VIRMA: variants seen among roughly 807,000 people sequenced by gnomAD.
The protein encoded by VIRMA is vir like m6A methyltransferase associated, also known as protein virilizer homolog.
In VIRMA, 65 loss-of-function variants were observed where a neutral mutation model predicts 182.4. The ratio of observed to expected loss-of-function variants is 0.36; its 90% CI spans 0.29 to 0.44. The LOEUF is 0.44. VIRMA is among the 20% of genes least tolerant of loss of function. The probability of loss-of-function intolerance (pLI) is 1.00; values close to 1 mark genes in which losing one functional copy is unlikely to be tolerated. For missense variants in VIRMA, 1,752 were observed against 2,158.1 expected (o/e 0.81, Z 3.73); for synonymous variants, 709 against 743.1 (o/e 0.95, Z 0.75).
intron 15 of VIRMA, among the ~76,000 whole-genome samples, chr8:94,507,871 T>TTA (rs888788095): frequency 7.6e-5 from 8 of 105,100 alleles, no homozygotes; most frequent in African/African-American, 2.8e-4. Context: ...TCCCTCTACT[T>TTA]TATATATATA....
chr8:94,526,646 T>C lies in VIRMA; in HGVS notation c.1598A>G (p.Lys533Arg), dbSNP rs765784577. 6.2e-7 allele frequency: 1 copy of C among 1,614,178 alleles called. No homozygotes were observed. Among genetic ancestry groups the C allele is most frequent in the South Asian group, 1.1e-5 (1 of 91,088 alleles). ...ATCTAAAAGTATGAGTTCCAGAAGC[T>C]TTTGATAACCACTTTTTTCATTCTG... ...GRQNEKSGYQ[K>R]LLELILLDQT... Residue 533 changes from lysine to arginine, a missense_variant, in exon 8 of 24, where the codon AAG becomes AGG. By Grantham distance (26) the Lys-to-Arg change is conservative. Transcript: ENST00000297591.
At chr8:94,538,795 G>A (rs1815435636) in intron 2 of VIRMA, among the ~76,000 whole-genome samples, 1 of 152,066 alleles carries the variant, frequency 6.6e-6, no homozygotes, top group Non-Finnish European at 1.5e-5. Context: ...TGTATTTTTA[G>A]TAGAAATGGG....
At chr8:94,522,875 T>C (rs1227874151) in intron 8 of VIRMA, among the ~76,000 whole-genome samples, 7 of 152,174 alleles carry the variant, frequency 4.6e-5, no homozygotes, top group Non-Finnish European at 8.8e-5. Context: ...GATCTGCTAC[T>C]CCAAAATATT....
intron 11 of VIRMA, among the ~76,000 whole-genome samples, chr8:94,513,358 A>C (rs1814442626): frequency 6.6e-6 from 1 of 151,864 alleles, no homozygotes; most frequent in South Asian, 2.1e-4. Context: ...AAACAAAACA[A>C]AAAAACCTTG....
Position 94,495,716 on chromosome 8 carries a change from C to A in VIRMA, c.4544+15G>T. The A allele has an allele frequency of 6.2e-7, 1 of 1,606,932 alleles. No homozygotes were observed. Among genetic ancestry groups the A allele is most frequent in the Non-Finnish European group, 8.5e-7 (1 of 1,176,538 alleles). The stretch of plus-strand genomic sequence containing the variant: ...AACCAACAGCTATTCAATCATAAAA[C>A]ATTGTGTATTTTACCTATTGTTAAA... On this transcript the variant is annotated intron_variant, in intron 19 of 23. Transcript: ENST00000297591.
chr8:94,549,837 T>C (rs1815910369), intron 1 of VIRMA, among the ~76,000 whole-genome samples: 1 of 152,176 alleles, frequency 6.6e-6, no homozygotes, highest in South Asian at 2.1e-4. Context: ...GGCTCACGCC[T>C]GTAATCTTCG....
At chr8:94,531,176 G>A in intron 5 of VIRMA, 91 bp from the exon 6 acceptor site, 1 of 1,319,684 alleles carries the variant, frequency 7.6e-7, no homozygotes, top group Non-Finnish European at 9.9e-7. Flanking sequence ...CCACTTACAT[G>A]TGATTTTTTT....
chr8:94,509,836 T>G lies in VIRMA; in HGVS notation c.3731A>C (p.His1244Pro), dbSNP rs1289932269. 1.2e-6 allele frequency: 2 copies of G among 1,614,060 alleles called. No individual in the cohort carries two copies. Among genetic ancestry groups the G allele is most frequent in the Non-Finnish European group, 1.7e-6 (2 of 1,179,958 alleles). The change falls in exon 15 of 24, where the codon CAT becomes CCT. Residue 1244 changes from histidine (H) to proline (P), a missense_variant. By Grantham distance (77) the His-to-Pro change is moderately conservative. Around this residue, in one of 11 missense-constraint regions of VIRMA, gnomAD observed 777 missense variants for 920.6 expected, o/e 0.84. Transcript: ENST00000297591. The part of the protein sequence containing the change: ...SHKACKLAIL[H>P]LINGTIKGDE... ...ACCTTTAATAGTTCCATTAATTAGATGCAAAATAGCTAATTTACAAGCTTT... is the reference window on the plus strand; with the variant it reads ...ACCTTTAATAGTTCCATTAATTAGAGGCAAAATAGCTAATTTACAAGCTTT...
At chr8:94,504,084 G>GA (rs1814074725) in intron 16 of VIRMA, among the ~76,000 whole-genome samples, 1 of 151,878 alleles carries the variant, frequency 6.6e-6, no homozygotes, top group Admixed American at 6.6e-5. Flanking sequence ...TGAGGCAGGG[G>GA]AATCACATGA....
chr8:94,487,694 T>C lies in VIRMA; in HGVS notation c.*1012A>G, dbSNP rs1482184900. The C allele has an allele frequency of 6.6e-6, 1 of 152,228 alleles. No homozygotes were observed. The highest frequency in any genetic ancestry group is 1.5e-5 in the Non-Finnish European group (1 of 68,042). The allele number at this position is 152,228 out of a possible 1,614,324, so 9.4% of individuals were successfully genotyped here. ...GAATGAGACTCATACACTCCTTTTC[T>C]GATTAAGATAACTCTGTATTTTACG... On this transcript the variant is annotated 3_prime_UTR_variant, in exon 24 of 24. Coordinates refer to ENST00000297591, the MANE Select transcript of VIRMA (RefSeq NM_015496.5).
At chr8:94,553,185 C>A (rs1816067044) in intron 1 of VIRMA, among the ~76,000 whole-genome samples, 200 bp downstream of exon 1, 1 of 152,054 alleles carries the variant, frequency 6.6e-6, no homozygotes, top group African/African-American at 2.4e-5. Context: ...ACGGAGGGCC[C>A]AAGTTAAAGC....
chr8:94,530,684 A>C (rs530340890), intron 6 of VIRMA, among the ~76,000 whole-genome samples: 1 of 152,198 alleles, frequency 6.6e-6, no homozygotes, highest in Non-Finnish European at 1.5e-5. Context: ...TGTGAAGCTA[A>C]GGCAGATGGA....
At chr8:94,526,133 C>A in intron 8 of VIRMA, 90 bp downstream of exon 8, 1 of 963,688 alleles carries the variant, frequency 1.0e-6, no homozygotes, top group Non-Finnish European at 1.6e-6. Context: ...AAATAAGTTA[C>A]CTACAATCAG....
chr8:94,505,041 A>T (rs139388528), intron 16 of VIRMA, among the ~76,000 whole-genome samples: 1 of 152,298 alleles, frequency 6.6e-6, no homozygotes, highest in East Asian at 1.9e-4. Flanking sequence ...TTGGAAGTGC[A>T]GTGTATGAGG....
chr8:94,528,942 A>G lies in VIRMA; in HGVS notation c.880+128T>C, dbSNP rs147254961. ...CATTTCTAGTCATGCCTTGAGGCCT[A>G]GCTACATTCTGACCCTGGGTTTCTT... On this transcript the variant is annotated intron_variant, in intron 7 of 23. Coordinates refer to ENST00000297591, the MANE Select transcript of VIRMA (RefSeq NM_015496.5). 3.5e-6 allele frequency: 4 copies of G among 1,151,022 alleles called. No homozygotes were observed. In the African/African-American group the frequency reaches 6.1e-5, roughly 18 times the overall value. 71.3% of individuals were successfully genotyped at this position (1,151,022 alleles called of 1,614,324 possible).
At chr8:94,543,365 C>T (rs1378936184) in intron 2 of VIRMA, among the ~76,000 whole-genome samples, 1 of 125,992 alleles carries the variant, frequency 7.9e-6, no homozygotes, top group Non-Finnish European at 1.6e-5. Flanking sequence ...TGCGCCATTG[C>T]ATTCCAGCCT....
intron 15 of VIRMA, 96 bp downstream of exon 15, chr8:94,509,592 T>C (rs1259500185): frequency 7.5e-7 from 1 of 1,332,942 alleles, no homozygotes; most frequent in Non-Finnish European, 1.0e-6. Flanking sequence ...CAGCTGTTCA[T>C]TCACAGCCAA....
intron 2 of VIRMA, among the ~76,000 whole-genome samples, chr8:94,543,033 C>G (rs927828015): frequency 8.6e-5 from 13 of 151,942 alleles, no homozygotes; most frequent in African/African-American, 2.7e-4. Flanking sequence ...CTCAGCCTCC[C>G]GAGTAGCTGG....
chr8:94,503,436 T>C (rs975182990), intron 16 of VIRMA, among the ~76,000 whole-genome samples: 22 of 152,026 alleles, frequency 1.4e-4, no homozygotes, highest in African/African-American at 4.8e-4. Context: ...ATAATGTCAA[T>C]CTAATTATGA....
Sources: allele counts gnomAD v4.1 joint callset (sites outside exome capture counted in the v4.1 genomes callset), GRCh38; gene constraint gnomAD v4.1.1; regional missense constraint gnomAD v4.1.1; transcripts MANE v1.5; gene names NCBI Gene and HGNC (gene_info 2026-07-23, HGNC 2026-07-21).